The following EFR3B variants were observed in gnomAD, a reference collection of about 807,000 sequenced individuals.
EFR3B encodes the protein protein EFR3 homolog B.
Under a neutral mutation model 104.7 loss-of-function variants are expected in EFR3B, and 64 were observed. The ratio of observed to expected loss-of-function variants is 0.61; its 90% CI spans 0.50 to 0.75. The LOEUF (loss-of-function observed/expected upper bound fraction) is 0.75, where lower values mean the gene tolerates loss of function less well. Among genes scored for constraint, EFR3B ranks in the 30% least tolerant of loss-of-function variants. EFR3B has a pLI of 0.00. For synonymous variants in EFR3B, 385 were observed against 417.9 expected (o/e 0.92, Z 0.96); for missense variants, 750 against 1,078.5 (o/e 0.70, Z 4.27).
chr2:25,140,892 T>C (rs182138771), intron 16 of EFR3B, among the ~76,000 whole-genome samples: 28 of 152,032 alleles, frequency 1.8e-4, no homozygotes, highest in African/African-American at 6.8e-4. Context: ...AATATAAAAA[T>C]TTGCCAGGCG....
intron 4 of EFR3B, among the ~76,000 whole-genome samples, chr2:25,106,373 T>C (rs1269020863): frequency 1.2e-4 from 18 of 151,272 alleles, no homozygotes; most frequent in African/African-American, 4.1e-4. Context: ...CACTGCAACC[T>C]CCGCCTCCGA....
intron 1 of EFR3B, among the ~76,000 whole-genome samples, chr2:25,048,116 A>G (rs1422567203): frequency 6.6e-6 from 1 of 152,122 alleles, no homozygotes; most frequent in Non-Finnish European, 1.5e-5. Context: ...CCTGAGCTTA[A>G]GTGATCCTCC....
rs562446978 is a variant in EFR3B, at chr2:25,131,448, G to A, written c.930G>A (p.Ala310=). 1.0e-4 allele frequency: 161 copies of A among 1,550,704 alleles called. No homozygotes were observed. The highest frequency in any genetic ancestry group is 2.4e-4 in the Admixed American group (12 of 51,002). The change falls in exon 9 of 23, where the codon GCG becomes GCA. Residue 310 remains alanine (A), a synonymous_variant. Coordinates refer to ENST00000403714, the MANE Select transcript of EFR3B (RefSeq NM_014971.2). The surrounding 1 kb of genome is among the most constrained non-coding windows in gnomAD (Gnocchi z 7.6). ...GCCGCAGCGCTGCGACGGTGCGCGC[G>A]GGCATCGTGGAAGTCTTGTCGGAAG... ...ANSRSAATVR[A]GIVEVLSEAA... is the part of the protein sequence containing the mutation.
At chr2:25,113,438 C>G (rs543466802) in intron 4 of EFR3B, among the ~76,000 whole-genome samples, 8 of 152,078 alleles carry the variant, frequency 5.3e-5, no homozygotes, top group Non-Finnish European at 1.2e-4. Flanking sequence ...GTAATCCCAG[C>G]ACTCCTGACC....
chr2:25,048,947 C>T (rs1010264096), intron 1 of EFR3B, among the ~76,000 whole-genome samples: 1 of 152,212 alleles, frequency 6.6e-6, no homozygotes, highest in African/African-American at 2.4e-5. Context: ...CTGCTCCCTA[C>T]AAAGACTAGT....
At chr2:25,121,587 C>A in intron 4 of EFR3B, 86 bp from the exon 5 acceptor site, 1 of 1,512,434 alleles carries the variant, frequency 6.6e-7, no homozygotes, top group Non-Finnish European at 8.9e-7. Context: ...CATGGCTTGA[C>A]CATGGCAGGG....
intron 3 of EFR3B, among the ~76,000 whole-genome samples, chr2:25,097,557 C>T (rs1468901999): frequency 6.6e-6 from 1 of 152,162 alleles, no homozygotes; most frequent in Admixed American, 6.5e-5. Context: ...CACATTGTCA[C>T]CCCATTTCAG....
intron 11 of EFR3B, 59 bp downstream of exon 11, chr2:25,133,073 C>A: frequency 1.4e-6 from 2 of 1,442,164 alleles, no homozygotes; most frequent in Non-Finnish European, 1.9e-6. Context: ...CATTTTCTGA[C>A]CCCCTCCTTT....
chr2:25,079,046 A>G (rs1668715021), intron 1 of EFR3B, among the ~76,000 whole-genome samples: 2 of 152,176 alleles, frequency 1.3e-5, no homozygotes, highest in Non-Finnish European at 2.9e-5. Context: ...GCAGAGCATG[A>G]GTGAGAGGAC....
chr2:25,091,762 T>C (rs1275134428), intron 2 of EFR3B, among the ~76,000 whole-genome samples: 1 of 152,188 alleles, frequency 6.6e-6, no homozygotes, highest in African/African-American at 2.4e-5. Flanking sequence ...CCGGTCAGTG[T>C]GAGGACTCCC....
At position 25,130,760 on chromosome 2, in the gene EFR3B, T is replaced by C; in HGVS notation, c.849+130T>C. The C allele has an allele frequency of 2.6e-6, 2 of 770,002 alleles. No homozygotes were observed. Among genetic ancestry groups the C allele is most frequent in the Non-Finnish European group, 4.4e-6 (2 of 454,562 alleles). 47.7% of individuals were successfully genotyped at this position (770,002 alleles called of 1,614,324 possible). A position where few individuals can be genotyped will look rare whatever the true frequency, so the allele number is the denominator to read the frequency against. Reference sequence around the variant, plus strand: ...AGCCCCCAGTTGCCGAAACCAGTGCTGCTTAAGCTAGCTGTGGAGAAGGGC... The same window carrying C: ...AGCCCCCAGTTGCCGAAACCAGTGCCGCTTAAGCTAGCTGTGGAGAAGGGC... On this transcript the variant is annotated intron_variant, in intron 8 of 22. Coordinates refer to ENST00000403714, the MANE Select transcript of EFR3B (RefSeq NM_014971.2). This position sits in a 1 kb window ranked among gnomAD's most constrained non-coding sequence, Gnocchi z 4.6.
At chr2:25,129,752 A>G (rs1670277481) in intron 6 of EFR3B, among the ~76,000 whole-genome samples, 1 of 152,072 alleles carries the variant, frequency 6.6e-6, no homozygotes, top group African/African-American at 2.4e-5. Flanking sequence ...TTCCAGAAAA[A>G]GAACTTTATC....
Position 25,042,772 on chromosome 2 carries a change from CG to C in EFR3B, c.7+454del. The C allele has an allele frequency of 1.2e-6, 1 of 868,714 alleles. No homozygotes were observed. The highest frequency in any genetic ancestry group is 1.4e-6 in the Non-Finnish European group (1 of 722,788). 53.8% of individuals were successfully genotyped at this position (868,714 alleles called of 1,614,324 possible). Reference sequence around the variant, plus strand: ...AGAAGGCGGGAGGCGGCGCCGGCGGCGCAGAGGCCCGGGGAGCAGCCAGTGG... The same window carrying C: ...AGAAGGCGGGAGGCGGCGCCGGCGGCCAGAGGCCCGGGGAGCAGCCAGTGG... On this transcript the variant is annotated intron_variant, in intron 1 of 22. Transcript: ENST00000403714. The surrounding 1 kb of genome is among the most constrained non-coding windows in gnomAD (Gnocchi z 5.4).
intron 20 of EFR3B, among the ~76,000 whole-genome samples, chr2:25,150,300 CA>C (rs533611175): frequency 0.2 from 12,381 of 62,756 alleles, 738 homozygotes; most frequent in East Asian, 0.4. Flanking sequence ...ACTCCCATCT[CA>C]AAAAAAAAAA....
At chr2:25,069,733 G>T (rs1024997403) in intron 1 of EFR3B, among the ~76,000 whole-genome samples, 2 of 152,216 alleles carry the variant, frequency 1.3e-5, no homozygotes, top group Admixed American at 1.3e-4. Flanking sequence ...GTCTTGCTCT[G>T]TTGCCCAGGC....
chr2:25,054,017 G>A (rs1440430872), intron 1 of EFR3B, among the ~76,000 whole-genome samples: 2 of 152,234 alleles, frequency 1.3e-5, no homozygotes, highest in East Asian at 1.9e-4. Flanking sequence ...GGGCTGTGTG[G>A]TGCAGGCCCA....
At chr2:25,125,788 A>T (rs1482383882) in intron 5 of EFR3B, among the ~76,000 whole-genome samples, 1 of 152,220 alleles carries the variant, frequency 6.6e-6, no homozygotes, top group Non-Finnish European at 1.5e-5. Flanking sequence ...CTCTACTAAA[A>T]ATACAAAAAA....
At chr2:25,103,605 C>A in intron 3 of EFR3B, 32 bp from the exon 4 acceptor site, 1 of 1,535,114 alleles carries the variant, frequency 6.5e-7, no homozygotes, top group South Asian at 1.2e-5. Context: ...GGCAGGGGCG[C>A]GGCCAGTGAC....
intron 19 of EFR3B, chr2:25,146,589 TGAG>T (rs1349623336): frequency 6.6e-6 from 1 of 152,218 alleles, no homozygotes; most frequent in African/African-American, 2.4e-5. Context: ...CCTCGGGAAT[TGAG>T]GAGTGAAGTG....
Sources: gnomAD v4.1 joint callset for allele counts (sites outside exome capture counted in the v4.1 genomes callset) on GRCh38, gnomAD v4.1.1 for gene constraint, Gnocchi (gnomAD v3.1) non-coding constraint, MANE v1.5 for transcripts, NCBI Gene and HGNC (gene_info 2026-07-23, HGNC 2026-07-21) for gene names.